The following SHCBP1 variants were observed in gnomAD, a reference collection of about 807,000 sequenced individuals.
SHCBP1 encodes the protein SHC SH2 domain-binding protein 1.
In SHCBP1, 60 loss-of-function variants were observed where a neutral mutation model predicts 75.1. That is an observed-to-expected ratio of 0.80 (90% CI 0.65 to 0.99). SHCBP1 has a LOEUF of 0.99. Ranked by LOEUF, SHCBP1 falls within the 50% of genes least tolerant of loss-of-function variation. The pLI, the probability that SHCBP1 is intolerant of heterozygous loss-of-function variation, is 0.00. For missense variants in SHCBP1, 709 were observed against 809.4 expected (o/e 0.88, Z 1.50); for synonymous variants, 290 against 293.2 (o/e 0.99, Z 0.11).
intron 2 of SHCBP1, 147 bp from the exon 3 acceptor site, chr16:46,617,896 C>T (rs762509854): frequency 4.1e-6 from 3 of 734,012 alleles, no homozygotes; most frequent in Non-Finnish European, 4.5e-6. Context: ...ATGCAAAAAA[C>T]CAGCCAGGCA....
rs758741836 is a variant in SHCBP1, at chr16:46,603,621, G to C, written c.1131C>G (p.Phe377Leu). 6.2e-7 allele frequency: 1 copy of C among 1,613,994 alleles called. No homozygotes were observed. The highest frequency in any genetic ancestry group is 2.2e-5 in the East Asian group (1 of 44,890). The change falls in exon 8 of 13, where the codon TTC becomes TTG. Residue 377 changes from phenylalanine to leucine, a missense_variant. Physicochemically the swap from Phe to Leu is conservative, Grantham distance 22. Transcript: ENST00000303383. ...GACAAACAATAACAGTGTCACCTTC[G>C]AAGCAGGCATTTATAGCAGACAATG... ...SDPLSAINAC[F>L]EGDTVIVCPG...
rs1307053929 is a variant in SHCBP1 at position 46,592,294 on chromosome 16, CAGA to C, written c.1464+3255_1464+3257del. ...TCATTACTATATACCCTGCAGATAT[CAGA>C]AGAATAAGGAAATACTACAAACAAT... On this transcript the variant is annotated intron_variant, in intron 10 of 12. Coordinates refer to ENST00000303383, the MANE Select transcript of SHCBP1 (RefSeq NM_024745.5). Among the ~76,000 whole-genome samples, 3 of 152,120 alleles carry C rather than the reference CAGA, an allele frequency of 2.0e-5. No individual in the cohort carries two copies. The East Asian group carries it at 5.8e-4, about 29-fold the overall frequency.
At position 46,580,520 on chromosome 16, in the gene SHCBP1, C is replaced by T. The variant is rs989040769; in HGVS notation, c.*1209G>A. 9 of 152,076 alleles carry T rather than the reference C, an allele frequency of 5.9e-5. No homozygotes were observed. Among genetic ancestry groups the T allele is most frequent in the African/African-American group, 9.7e-5 (4 of 41,394 alleles). The allele number at this position is 152,076 out of a possible 1,614,324, so 9.4% of individuals were successfully genotyped here. A position where few individuals can be genotyped will look rare whatever the true frequency, so the allele number is the denominator to read the frequency against. ...CATATGCTACACTGACACTATGGCC[C>T]ACAGTGAGTTTGAAAAGATATAACA... On this transcript the variant is annotated 3_prime_UTR_variant, in exon 13 of 13. Transcript: ENST00000303383.
In SHCBP1 at chr16:46,579,353, TAAATA is replaced by T. The variant is rs900646520; in HGVS notation, c.*2371_*2375del. Among the ~76,000 whole-genome samples, 12 of 152,198 alleles carry T rather than the reference TAAATA, an allele frequency of 7.9e-5. No homozygotes were observed. Among genetic ancestry groups the T allele is most frequent in the Admixed American group, 6.5e-4 (10 of 15,282 alleles). ...GAGGCAAAATGTACTGCATATAACTTAAATAAGAACAAAGTAGGCCTACTCATTAT... is the reference window on the plus strand; with the variant it reads ...GAGGCAAAATGTACTGCATATAACTTAGAACAAAGTAGGCCTACTCATTAT... On this transcript the variant is annotated 3_prime_UTR_variant, in exon 13 of 13. Transcript: ENST00000303383.
chr16:46,582,184 A>G (rs112296619), intron 12 of SHCBP1, 130 bp from the exon 13 acceptor site: 2 of 857,634 alleles, frequency 2.3e-6, no homozygotes, highest in Non-Finnish European at 3.5e-6. Flanking sequence ...ACCCTCACAC[A>G]GGATCACCAA....
chr16:46,581,953 A>G lies in SHCBP1; in HGVS notation c.1795T>C (p.Cys599Arg). ...TGCTCAGAAGGGTCAGTTCTTGCAC[A>G]AAGCTCCATTTTACCAGTTGCACAC... ...IECATGKMEL[C>R]ARTDPSEQVE... Residue 599 changes from cysteine (C) to arginine (R), a missense_variant, in exon 13 of 13, where the codon TGT becomes CGT. Transcript: ENST00000303383. The G allele has an allele frequency of 6.2e-7, 1 of 1,614,202 alleles. No homozygotes were observed. Among genetic ancestry groups the G allele is most frequent in the Non-Finnish European group, 8.5e-7 (1 of 1,180,036 alleles).
intron 5 of SHCBP1, among the ~76,000 whole-genome samples, chr16:46,605,227 T>C (rs1180518071): frequency 6.6e-6 from 1 of 152,214 alleles, no homozygotes; most frequent in Non-Finnish European, 1.5e-5. Flanking sequence ...AGAGTATTTC[T>C]AGATGCAATA....
chr16:46,590,571 C>T (rs1052300062), intron 10 of SHCBP1, among the ~76,000 whole-genome samples: 38 of 152,192 alleles, frequency 2.5e-4, no homozygotes, highest in African/African-American at 8.9e-4. Flanking sequence ...AAAAAATGCT[C>T]GCCATCACCG....
chr16:46,616,190 A>G lies in SHCBP1; in HGVS notation c.388-36T>C. On this transcript the variant is annotated intron_variant, in intron 3 of 12. Transcript: ENST00000303383. The surrounding 1 kb of genome is among the most constrained non-coding windows in gnomAD (Gnocchi z 4.4). The stretch of plus-strand genomic sequence containing the variant: ...AAATAATGTGACTTAACACATGGAA[A>G]TCAAAATGAAGATACACCTATAAGA... The G allele has an allele frequency of 6.3e-7, 1 of 1,592,110 alleles. No homozygotes were observed. The highest frequency in any genetic ancestry group is 8.6e-7 in the Non-Finnish European group (1 of 1,166,084).
rs1965355799 is a variant in SHCBP1, at chr16:46,608,354, T to C, written c.632A>G (p.Glu211Gly). 3.1e-6 allele frequency: 5 copies of C among 1,613,836 alleles called. No homozygotes were observed. The highest frequency in any genetic ancestry group is 4.2e-6 in the Non-Finnish European group (5 of 1,179,842). The change falls in exon 5 of 13, where the codon GAA (glutamate) becomes GGA (glycine). Residue 211 changes from glutamate to glycine, a missense_variant. Glu to Gly is a moderately conservative substitution (Grantham distance 98). Transcript: ENST00000303383. ...ATAATCGTATTCATCCTCCTCTTCT[T>C]CATCCCAACTCCTCCAAATGTTTTG... Reference protein sequence around the residue: ...FYQNIWRSWDEEEEDEYDYFV... With the variant: ...FYQNIWRSWDGEEEDEYDYFV...
chr16:46,581,822 A>G lies in SHCBP1; in HGVS notation c.1926T>C (p.Asp642=). The change falls in exon 13 of 13, where the codon GAT becomes GAC. Residue 642 remains aspartate (D), a synonymous_variant. Coordinates refer to ENST00000303383, the MANE Select transcript of SHCBP1 (RefSeq NM_024745.5). ...RLSELGITQA[D]DNLMSQEMFV... ...ACATCTCCTGTGACATTAAGTTGTC[A>G]TCAGCTTGCGTGATCCCCAGTTCAC... The G allele has an allele frequency of 6.2e-7, 1 of 1,614,184 alleles. No homozygotes were observed. Among genetic ancestry groups the G allele is most frequent in the Non-Finnish European group, 8.5e-7 (1 of 1,180,034 alleles).
chr16:46,608,200 T>TGG, intron 5 of SHCBP1, 97 bp downstream of exon 5: 1 of 717,862 alleles, frequency 1.4e-6, no homozygotes, highest in Non-Finnish European at 2.4e-6. Flanking sequence ...TGAGTGAGTG[T>TGG]GGGTGTGTGT....
chr16:46,606,741 G>T (rs912705921), intron 5 of SHCBP1, among the ~76,000 whole-genome samples: 3 of 151,882 alleles, frequency 2.0e-5, no homozygotes, highest in Non-Finnish European at 2.9e-5. Context: ...AGCCTAAATA[G>T]AAATCATAGC....
chr16:46,586,452 C>A (rs1263604894), intron 10 of SHCBP1, among the ~76,000 whole-genome samples: 1 of 152,124 alleles, frequency 6.6e-6, no homozygotes, highest in East Asian at 1.9e-4. Context: ...GTAAACAGAG[C>A]TCCAGGGGTC....
chr16:46,583,741 A>G (rs1012159123), intron 11 of SHCBP1, 84 bp from the exon 12 acceptor site: 34 of 1,484,568 alleles, frequency 2.3e-5, no homozygotes, highest in Non-Finnish European at 3.0e-5. Context: ...ACACTATTCT[A>G]AAAATAAAAG....
chr16:46,616,192 C>A lies in SHCBP1; in HGVS notation c.388-38G>T. 1.9e-6 allele frequency: 3 copies of A among 1,589,744 alleles called. No homozygotes were observed. Among genetic ancestry groups the A allele is most frequent in the Admixed American group, 1.7e-5 (1 of 57,202 alleles). On this transcript the variant is annotated intron_variant, in intron 3 of 12. Coordinates refer to ENST00000303383, the MANE Select transcript of SHCBP1 (RefSeq NM_024745.5). The surrounding 1 kb of genome is among the most constrained non-coding windows in gnomAD (Gnocchi z 4.4). ...ATAATGTGACTTAACACATGGAAAT[C>A]AAAATGAAGATACACCTATAAGACA...
At chr16:46,586,950 G>A (rs951881924) in intron 10 of SHCBP1, among the ~76,000 whole-genome samples, 2 of 151,750 alleles carry the variant, frequency 1.3e-5, no homozygotes, top group African/African-American at 4.8e-5. Flanking sequence ...AATGACTAAA[G>A]GAAGTTATCT....
chr16:46,588,301 G>A (rs1056997714), intron 10 of SHCBP1, among the ~76,000 whole-genome samples: 1 of 152,058 alleles, frequency 6.6e-6, no homozygotes, highest in Non-Finnish European at 1.5e-5. Flanking sequence ...CTAGCAGAAG[G>A]CAAGAAATCA....
In SHCBP1 at chr16:46,603,648, A is replaced by C; in HGVS notation, c.1104T>G (p.Asp368Glu). ...EEEREIQFHSDPLSAINACFE... is the reference protein window; with the variant it reads ...EEEREIQFHSEPLSAINACFE... Reference sequence around the variant, plus strand: ...AGCAGGCATTTATAGCAGACAATGGATCACTATGGAACTAGAAAACAATAA... The same window carrying C: ...AGCAGGCATTTATAGCAGACAATGGCTCACTATGGAACTAGAAAACAATAA... The change falls in exon 8 of 13, where the codon GAT (aspartate) becomes GAG (glutamate). Residue 368 changes from aspartate (D) to glutamate (E), a missense_variant. Coordinates refer to ENST00000303383, the MANE Select transcript of SHCBP1 (RefSeq NM_024745.5). 1 of 1,614,218 alleles carries C rather than the reference A, an allele frequency of 6.2e-7. No homozygotes were observed. Among genetic ancestry groups the C allele is most frequent in the Non-Finnish European group, 8.5e-7 (1 of 1,180,032 alleles).
Sources: gnomAD v4.1 joint callset for allele counts (sites outside exome capture counted in the v4.1 genomes callset) on GRCh38, gnomAD v4.1.1 for gene constraint, Gnocchi (gnomAD v3.1) non-coding constraint, MANE v1.5 for transcripts, NCBI Gene and HGNC (gene_info 2026-07-23, HGNC 2026-07-21) for gene names.